The following RICTOR variants were observed in gnomAD, a reference collection of about 807,000 sequenced individuals.
RICTOR encodes RPTOR independent companion of MTOR complex 2, also known as rapamycin-insensitive companion of mTOR.
In RICTOR, 49 loss-of-function variants were observed where a neutral mutation model predicts 214.9. That is an observed-to-expected ratio of 0.23 (90% CI 0.18 to 0.29). The LOEUF (loss-of-function observed/expected upper bound fraction) is 0.29. RICTOR is among the 10% of genes least tolerant of loss of function. RICTOR has a pLI of 1.00. For synonymous variants in RICTOR, 717 were observed against 711.3 expected (o/e 1.01, Z -0.13); for missense variants, 1,625 against 2,047.0 (o/e 0.79, Z 3.98).
At chr5:38,961,610 G>A (rs1266342203) in intron 19 of RICTOR, among the ~76,000 whole-genome samples, 1 of 152,132 alleles carries the variant, frequency 6.6e-6, no homozygotes, top group African/African-American at 2.4e-5. Flanking sequence ...GACATCATCT[G>A]TGTTCTCAAG....
chr5:39,036,435 C>G (rs1014788455), intron 2 of RICTOR, among the ~76,000 whole-genome samples: 27 of 152,174 alleles, frequency 1.8e-4, no homozygotes, highest in African/African-American at 6.5e-4. Context: ...CAGCTAACAT[C>G]ATAATGACAG....
At chr5:39,005,044 G>A (rs1416207862) in intron 3 of RICTOR, among the ~76,000 whole-genome samples, 5 of 152,146 alleles carry the variant, frequency 3.3e-5, no homozygotes, top group Admixed American at 3.3e-4. Context: ...GCCTCCCAAA[G>A]TGCTGGGATT....
intron 14 of RICTOR, 62 bp from the exon 15 acceptor site, chr5:38,966,783 T>A: frequency 1.1e-6 from 1 of 887,480 alleles, no homozygotes; most frequent in South Asian, 1.5e-5. Context: ...CATTTATGCA[T>A]CAGATTTATT....
chr5:39,020,984 A>C (rs1347139442), intron 3 of RICTOR, 55 bp downstream of exon 3: 1 of 847,422 alleles, frequency 1.2e-6, no homozygotes, highest in Non-Finnish European at 2.1e-6. Flanking sequence ...AACATTTAGT[A>C]AGTGTGGTAA....
chr5:39,033,309 G>A (rs559855713), intron 2 of RICTOR, among the ~76,000 whole-genome samples: 13 of 151,574 alleles, frequency 8.6e-5, no homozygotes, highest in Non-Finnish European at 1.6e-4. Flanking sequence ...AGGCTGGAGC[G>A]CTGGAGTGCA....
intron 36 of RICTOR, among the ~76,000 whole-genome samples, chr5:38,943,664 T>A (rs1747848188): frequency 6.6e-6 from 1 of 152,008 alleles, no homozygotes; most frequent in South Asian, 2.1e-4. Context: ...AATACAAAAA[T>A]TAGCTAGGTG....
At chr5:39,034,601 C>T (rs1756524018) in intron 2 of RICTOR, among the ~76,000 whole-genome samples, 1 of 152,196 alleles carries the variant, frequency 6.6e-6, no homozygotes, top group Non-Finnish European at 1.5e-5. Context: ...CCTGGAAAAT[C>T]GGGTCACTCA....
chr5:39,050,853 T>G (rs1757786593), intron 2 of RICTOR, among the ~76,000 whole-genome samples: 1 of 152,168 alleles, frequency 6.6e-6, no homozygotes, highest in African/African-American at 2.4e-5. Context: ...AAAGAATACA[T>G]GAGGGCTCAT....
chr5:38,999,127 T>C (rs1340576588), intron 5 of RICTOR, among the ~76,000 whole-genome samples: 3 of 147,192 alleles, frequency 2.0e-5, no homozygotes, highest in Admixed American at 6.8e-5. Flanking sequence ...GGATGAAAGG[T>C]TTTTAATAAA....
At chr5:39,022,508 G>T in intron 2 of RICTOR, 1 of 154,082 alleles carries the variant, frequency 6.5e-6, no homozygotes, top group South Asian at 1.9e-4. Context: ...CCTCGCATCA[G>T]ACCCATGAAG....
intron 3 of RICTOR, among the ~76,000 whole-genome samples, chr5:39,014,464 C>A (rs1332089030): frequency 1.3e-5 from 2 of 151,978 alleles, no homozygotes; most frequent in African/African-American, 2.4e-5. Context: ...ATCATATATT[C>A]TTCTGTACCA....
Position 38,967,355 on chromosome 5 carries a change from G to C in RICTOR, c.1133C>G (p.Pro378Arg). 1 of 1,613,636 alleles carries C rather than the reference G, an allele frequency of 6.2e-7. No homozygotes were observed. Among genetic ancestry groups the C allele is most frequent in the Non-Finnish European group, 8.5e-7 (1 of 1,179,720 alleles). ...FVAAEAKTIL[P>R]HRARSRPDLM... The stretch of plus-strand genomic sequence containing the variant: ...ATTCTACCTGGATCTGGCACGATGA[G>C]GAAGAATAGTTTTTGCCTCAGCTGC... Residue 378 changes from proline to arginine, a missense_variant, in exon 13 of 38, where the codon CCT becomes CGT. This residue lies in a region of RICTOR where 1,214 missense variants were observed against 1,470.5 expected (regional missense o/e 0.83). Coordinates refer to ENST00000357387, the MANE Select transcript of RICTOR (RefSeq NM_152756.5).
intron 5 of RICTOR, 127 bp from the exon 6 acceptor site, chr5:38,997,009 T>C: frequency 1.5e-6 from 1 of 677,096 alleles, no homozygotes; most frequent in Non-Finnish European, 2.7e-6. Flanking sequence ...GGTATATGAT[T>C]TCTCAGTACC....
chr5:39,072,836 CTGTCT>C (rs1392523248), intron 2 of RICTOR, among the ~76,000 whole-genome samples: 1 of 152,134 alleles, frequency 6.6e-6, no homozygotes, highest in Non-Finnish European at 1.5e-5. Context: ...ATTTTAGAAA[CTGTCT>C]TGTAAAAGGA....
rs1394129483 is a variant in RICTOR at position 38,941,603 on chromosome 5, C to T, written c.*701G>A. 4.3e-6 allele frequency: 1 copy of T among 231,226 alleles called. No homozygotes were observed. Among genetic ancestry groups the T allele is most frequent in the Non-Finnish European group, 8.6e-6 (1 of 116,784 alleles). The allele number at this position is 231,226 out of a possible 1,614,324, so 14.3% of individuals were successfully genotyped here. On this transcript the variant is annotated 3_prime_UTR_variant, in exon 38 of 38. Transcript: ENST00000357387. Reference sequence around the variant, plus strand: ...TTTATTCAAGAACTGTAGTGAAAAACCTTAATTGGTTCATATATCCTGTAA... The same window carrying T: ...TTTATTCAAGAACTGTAGTGAAAAATCTTAATTGGTTCATATATCCTGTAA...
intron 2 of RICTOR, among the ~76,000 whole-genome samples, chr5:39,064,161 C>CTA (rs1267638181): frequency 2.0e-5 from 3 of 152,096 alleles, no homozygotes; most frequent in African/African-American, 7.2e-5. Context: ...ACTTTTATGT[C>CTA]TGTAATTTTA....
chr5:38,994,543 C>A (rs1753036505), intron 6 of RICTOR, among the ~76,000 whole-genome samples: 1 of 150,126 alleles, frequency 6.7e-6, no homozygotes, highest in South Asian at 2.2e-4. Flanking sequence ...CTCACTCTAA[C>A]CCTTTTAGCA....
rs191571139 is a variant in RICTOR at position 39,068,812 on chromosome 5, A to G, written c.97+5299T>C. Reference sequence around the variant, plus strand: ...GATAAGCAGCAGATCTCTAGCTTGAATAACAGAGGATGGCGGAAATACCTA... The same window carrying G: ...GATAAGCAGCAGATCTCTAGCTTGAGTAACAGAGGATGGCGGAAATACCTA... On this transcript the variant is annotated intron_variant, in intron 2 of 37. Coordinates refer to ENST00000357387, the MANE Select transcript of RICTOR (RefSeq NM_152756.5). 1.7e-4 allele frequency among the ~76,000 whole-genome samples: 26 copies of G among 152,330 alleles called. No individual in the cohort carries two copies. The East Asian group carries it at 4.6e-3, about 27-fold the overall frequency.
intron 26 of RICTOR, among the ~76,000 whole-genome samples, chr5:38,955,198 T>C (rs1749153396): frequency 6.6e-6 from 1 of 152,018 alleles, no homozygotes; most frequent in Non-Finnish European, 1.5e-5. Context: ...AAGGCGTATA[T>C]GAAACAGATT....
Sources: gnomAD v4.1 joint callset for allele counts (sites outside exome capture counted in the v4.1 genomes callset) on GRCh38, gnomAD v4.1.1 for gene constraint, gnomAD v4.1.1 regional missense constraint, MANE v1.5 for transcripts, NCBI Gene and HGNC (gene_info 2026-07-23, HGNC 2026-07-21) for gene names.